LIPH: variants seen among roughly 807,000 people sequenced by gnomAD.
LIPH encodes lipase H, also known as lipase member H.
In LIPH, 32 loss-of-function variants were observed where a neutral mutation model predicts 47.6. That is an observed-to-expected ratio of 0.67 (90% CI 0.51 to 0.90). The LOEUF (loss-of-function observed/expected upper bound fraction) is 0.90. Ranked by LOEUF, LIPH falls within the 40% of genes least tolerant of loss-of-function variation. The pLI is 0.00. For synonymous variants in LIPH, 190 were observed against 195.6 expected (o/e 0.97, Z 0.24); for missense variants, 497 against 541.4 (o/e 0.92, Z 0.81).
chr3:185,513,131 A>G (rs1719622072), intron 8 of LIPH, among the ~76,000 whole-genome samples: 1 of 152,112 alleles, frequency 6.6e-6, no homozygotes, highest in Non-Finnish European at 1.5e-5. Context: ...TCACAAGGTC[A>G]AGAGATCGAG....
intron 1 of LIPH, among the ~76,000 whole-genome samples, chr3:185,542,348 G>A (rs1002733197): frequency 6.8e-6 from 1 of 147,266 alleles, no homozygotes; most frequent in African/African-American, 2.5e-5. Flanking sequence ...ACGGAGTTTT[G>A]CTCGTCGCCC....
intron 9 of LIPH, 115 bp downstream of exon 9, chr3:185,511,409 A>G (rs1483862349): frequency 4.1e-6 from 4 of 985,614 alleles, no homozygotes; most frequent in Middle Eastern, 2.6e-4. Context: ...AAAACCCATC[A>G]TGTCCCTCAT....
chr3:185,543,689 G>A (rs1365091204), intron 1 of LIPH, among the ~76,000 whole-genome samples: 1 of 152,220 alleles, frequency 6.6e-6, no homozygotes, highest in East Asian at 1.9e-4. Flanking sequence ...GAGACAGCCT[G>A]GGCAACATAG....
intron 1 of LIPH, among the ~76,000 whole-genome samples, chr3:185,538,959 A>C (rs982844514): frequency 8.9e-6 from 1 of 111,926 alleles, no homozygotes; most frequent in African/African-American, 2.8e-5. Context: ...ATATATACAC[A>C]TATATATATT....
Position 185,508,478 on chromosome 3 carries a change from G to A in LIPH, c.*312C>T. The A allele has an allele frequency of 2.7e-6, 1 of 377,192 alleles. No homozygotes were observed. Among genetic ancestry groups the A allele is most frequent in the Non-Finnish European group, 5.0e-6 (1 of 199,638 alleles). The allele number at this position is 377,192 out of a possible 1,614,324, so 23.4% of individuals were successfully genotyped here. ...GCTTGACCCGCAGCCGCGATGGGCA[G>A]AACCACCCGCGTGACAGGCAGCAGA... On this transcript the variant is annotated 3_prime_UTR_variant, in exon 10 of 10. Transcript: ENST00000296252.
Position 185,508,844 on chromosome 3 carries a change from C to G in LIPH, c.1302G>C (p.Met434Ile). 1 of 1,613,892 alleles carries G rather than the reference C, an allele frequency of 6.2e-7. No individual in the cohort carries two copies. Among genetic ancestry groups the G allele is most frequent in the East Asian group, 2.2e-5 (1 of 44,886 alleles). ...PQLCRYDLVL[M>I]ENVETVFQPI... ...GTTGGAAGACTGTTTCAACGTTTTC[C>G]ATCAGGACAAGATCATACCGACACA... Residue 434 changes from methionine to isoleucine, a missense_variant, in exon 10 of 10, where the codon ATG becomes ATC. Transcript: ENST00000296252.
At chr3:185,538,926 CACATATAT>C (rs1720610903) in intron 1 of LIPH, among the ~76,000 whole-genome samples, 1 of 110,244 alleles carries the variant, frequency 9.1e-6, no homozygotes, top group Non-Finnish European at 2.0e-5. Flanking sequence ...TACACATATA[CACATATAT>C]ACATATATAT....
chr3:185,520,741 G>A (rs961274047), intron 5 of LIPH, among the ~76,000 whole-genome samples: 10 of 151,992 alleles, frequency 6.6e-5, no homozygotes, highest in African/African-American at 2.2e-4. Flanking sequence ...TATCATCCCC[G>A]CTCCAGTAAT....
chr3:185,538,539 TAAC>T (rs1720572336), intron 1 of LIPH, among the ~76,000 whole-genome samples: 1 of 152,112 alleles, frequency 6.6e-6, no homozygotes, highest in African/African-American at 2.4e-5. Flanking sequence ...AATAAAAACA[TAAC>T]ATCAAAGTAC....
chr3:185,525,524 T>C (rs948805552), intron 4 of LIPH, among the ~76,000 whole-genome samples: 3 of 151,976 alleles, frequency 2.0e-5, no homozygotes, highest in Non-Finnish European at 4.4e-5. Flanking sequence ...ACGCCTGTAA[T>C]CCTAGCACTT....
intron 1 of LIPH, among the ~76,000 whole-genome samples, chr3:185,536,958 C>T (rs575537989): frequency 6.6e-6 from 1 of 152,190 alleles, no homozygotes; most frequent in Non-Finnish European, 1.5e-5. Context: ...AATCTCGGCT[C>T]ACTGCAAACT....
intron 3 of LIPH, among the ~76,000 whole-genome samples, chr3:185,528,323 G>GAAAAAAGAAAGAAAGAAAGA (rs1553822820): frequency 1.6e-5 from 2 of 125,514 alleles, no homozygotes; most frequent in East Asian, 2.4e-4. Context: ...AAGAAAGAAA[G>GAAAAAAGAAAGAAAGAAAGA]AAGAAAGAAA....
chr3:185,546,932 T>C (rs1376797732), intron 1 of LIPH: 1 of 452,188 alleles, frequency 2.2e-6, no homozygotes, highest in African/African-American at 2.0e-5. Flanking sequence ...GAAAACCCTC[T>C]TCAAAGAGAG....
intron 1 of LIPH, among the ~76,000 whole-genome samples, chr3:185,541,363 G>A (rs1251613485): frequency 1.3e-5 from 2 of 150,850 alleles, no homozygotes; most frequent in Non-Finnish European, 2.9e-5. Context: ...GTCAAATACA[G>A]TCGATTCTCA....
intron 9 of LIPH, among the ~76,000 whole-genome samples, chr3:185,509,665 CCATGT>C (rs898043406): frequency 2.6e-5 from 4 of 151,854 alleles, no homozygotes; most frequent in African/African-American, 9.7e-5. Context: ...ATTGTATTTA[CCATGT>C]AAGTTCAGCT....
chr3:185,538,920 C>CATATACACATATATACATAT (rs1720610419), intron 1 of LIPH, among the ~76,000 whole-genome samples: 6 of 92,698 alleles, frequency 6.5e-5, no homozygotes, highest in African/African-American at 2.3e-4. Flanking sequence ...CATATATACA[C>CATATACACATATATACATAT]ATATACACAT....
chr3:185,511,185 T>A (rs189015894), intron 9 of LIPH, among the ~76,000 whole-genome samples: 239 of 152,018 alleles, frequency 1.6e-3, no homozygotes, highest in African/African-American at 5.7e-3. Context: ...TCATGTACCA[T>A]CAAATGCAGG....
intron 5 of LIPH, among the ~76,000 whole-genome samples, chr3:185,522,632 AAAAG>A (rs140673064): frequency 0.016 from 1,147 of 70,026 alleles, 7 homozygotes; most frequent in Non-Finnish European, 0.019. Flanking sequence ...AGAAAGAAGG[AAAAG>A]AAAGAGAGAA....
At chr3:185,518,345 T>G (rs1487624408) in intron 6 of LIPH, among the ~76,000 whole-genome samples, 1 of 152,136 alleles carries the variant, frequency 6.6e-6, no homozygotes, top group Non-Finnish European at 1.5e-5. Flanking sequence ...AATGGCGCGG[T>G]CTCAGCTCAC....
Sources: gnomAD v4.1 joint callset for allele counts (sites outside exome capture counted in the v4.1 genomes callset) on GRCh38, gnomAD v4.1.1 for gene constraint, MANE v1.5 for transcripts, NCBI Gene and HGNC (gene_info 2026-07-23, HGNC 2026-07-21) for gene names.